PCDH9: variants seen among roughly 807,000 people sequenced by gnomAD.
The protein encoded by PCDH9 is protocadherin 9, also known as protocadherin-9.
PCDH9 carries 24 observed loss-of-function variants against 70.6 expected under a neutral mutation model. The ratio of observed to expected loss-of-function variants is 0.34; its 90% CI spans 0.25 to 0.48. PCDH9 has a LOEUF of 0.48. PCDH9 is among the 20% of genes least tolerant of loss of function. PCDH9 has a pLI of 0.99. For synonymous variants in PCDH9, 562 were observed against 558.5 expected (o/e 1.01, Z -0.09); for missense variants, 1,281 against 1,503.6 (o/e 0.85, Z 2.45).
intron 3 of PCDH9, among the ~76,000 whole-genome samples, chr13:66,661,488 C>CTTA (rs1333445375): frequency 6.6e-6 from 1 of 152,168 alleles, no homozygotes; most frequent in Non-Finnish European, 1.5e-5. Flanking sequence ...GGATCATTTA[C>CTTA]TAATTAAAAT....
rs527497439 is a variant in PCDH9 at position 66,954,985 on chromosome 13, G to A, written c.3037-51380C>T. Among the ~76,000 whole-genome samples, 216 of 152,132 alleles carry A rather than the reference G, an allele frequency of 1.4e-3. 2 individuals are homozygous for A. The highest frequency in any genetic ancestry group is 6.6e-4 in the Non-Finnish European group (45 of 67,992). On this transcript the variant is annotated intron_variant, in intron 2 of 4. Coordinates refer to ENST00000377865, the MANE Select transcript of PCDH9 (RefSeq NM_203487.3). ...TCACTGTGTTAGCCAGGATGGTCTC[G>A]ATCTCCTGACCTCGTGATCTGCCCG...
chr13:66,647,310 G>C (rs2077784883), intron 3 of PCDH9, among the ~76,000 whole-genome samples: 1 of 152,112 alleles, frequency 6.6e-6, no homozygotes, highest in South Asian at 2.1e-4. Flanking sequence ...GAGGTGAGGA[G>C]AGGGAAGAGT....
At chr13:67,060,803 A>C (rs1489022188) in intron 2 of PCDH9, among the ~76,000 whole-genome samples, 1 of 152,074 alleles carries the variant, frequency 6.6e-6, no homozygotes, top group Non-Finnish European at 1.5e-5. Flanking sequence ...TGTGAACTGG[A>C]TATTTCCCTC....
intron 4 of PCDH9, among the ~76,000 whole-genome samples, chr13:66,608,202 AACTC>A (rs1445321998): frequency 6.6e-6 from 1 of 151,820 alleles, no homozygotes; most frequent in African/African-American, 2.4e-5. Context: ...AGTTCAGTAA[AACTC>A]TAAGTTACAG....
In PCDH9 at chr13:67,127,674, A is replaced by ATG. The variant is rs772540157; in HGVS notation, c.3036+97730_3036+97731insCA. Among the ~76,000 whole-genome samples, 357 of 59,226 alleles carry ATG rather than the reference A, an allele frequency of 6.0e-3. 1 individual carries two copies. Among genetic ancestry groups the ATG allele is most frequent in the South Asian group, 0.049 (61 of 1,250 alleles). The allele number at this position is 59,226 out of a possible 152,430, so 38.9% of individuals were successfully genotyped here. ...CAAGACTTTTTTATCATATATATAT[A>ATG]TATGTGTGTGTGTGTGTGTGTGTGT... On this transcript the variant is annotated intron_variant, in intron 2 of 4. Transcript: ENST00000377865.
intron 3 of PCDH9, among the ~76,000 whole-genome samples, chr13:66,694,434 T>C (rs932642250): frequency 6.6e-6 from 1 of 152,192 alleles, no homozygotes; most frequent in African/African-American, 2.4e-5. Context: ...TTTTGGCTTA[T>C]ACTGATTGCA....
At chr13:66,879,652 A>G (rs1341506289) in intron 3 of PCDH9, among the ~76,000 whole-genome samples, 2 of 152,224 alleles carry the variant, frequency 1.3e-5, no homozygotes, top group Non-Finnish European at 2.9e-5. Flanking sequence ...CACCTTGTTC[A>G]TGTTAAAAAT....
chr13:66,472,362 G>A (rs1958636844), intron 4 of PCDH9, among the ~76,000 whole-genome samples: 1 of 141,082 alleles, frequency 7.1e-6, no homozygotes. Context: ...TTGAGCAGAG[G>A]AGTTTGAGAC....
intron 2 of PCDH9, among the ~76,000 whole-genome samples, chr13:67,181,559 T>C (rs2987322): frequency 0.086 from 13,041 of 152,268 alleles, 751 homozygotes; most frequent in African/African-American, 0.15. Flanking sequence ...AATAATGCTT[T>C]GTAGGTACAG....
At chr13:66,794,518 C>T (rs981925350) in intron 3 of PCDH9, among the ~76,000 whole-genome samples, 1 of 152,142 alleles carries the variant, frequency 6.6e-6, no homozygotes, top group Non-Finnish European at 1.5e-5. Flanking sequence ...GAGACGCAGC[C>T]TGCACATTTA....
At chr13:66,489,148 AT>A (rs1434199256) in intron 4 of PCDH9, among the ~76,000 whole-genome samples, 2 of 152,064 alleles carry the variant, frequency 1.3e-5, no homozygotes, top group South Asian at 2.1e-4. Flanking sequence ...CTTTAACTTT[AT>A]TTTTTTGATG....
chr13:66,821,976 T>C (rs1452204152), intron 3 of PCDH9, among the ~76,000 whole-genome samples: 1 of 152,160 alleles, frequency 6.6e-6, no homozygotes, highest in East Asian at 1.9e-4. Context: ...TTTTGTAAAA[T>C]GTTGAGAGCT....
intron 3 of PCDH9, among the ~76,000 whole-genome samples, chr13:66,726,969 T>C (rs2079013616): frequency 1.3e-5 from 2 of 152,156 alleles, no homozygotes; most frequent in Non-Finnish European, 2.9e-5. Flanking sequence ...TTAAAAAATC[T>C]AAAACTGGAG....
intron 2 of PCDH9, among the ~76,000 whole-genome samples, chr13:67,006,012 G>A (rs548122626): frequency 1.3e-5 from 2 of 152,278 alleles, no homozygotes; most frequent in Admixed American, 1.3e-4. Flanking sequence ...AGATCACGAG[G>A]TCAGGAGACT....
At chr13:66,914,671 T>G (rs1051399735) in intron 2 of PCDH9, among the ~76,000 whole-genome samples, 3 of 151,904 alleles carry the variant, frequency 2.0e-5, no homozygotes, top group African/African-American at 7.2e-5. Context: ...TTTATGAAGA[T>G]TCTCTCAAAT....
intron 4 of PCDH9, among the ~76,000 whole-genome samples, chr13:66,605,161 A>G (rs1294427853): frequency 6.6e-6 from 1 of 152,110 alleles, no homozygotes. Flanking sequence ...ACAGGTATAT[A>G]TGAACTGAAG....
chr13:66,536,664 A>C (rs1417748844), intron 4 of PCDH9, among the ~76,000 whole-genome samples: 1 of 152,158 alleles, frequency 6.6e-6, no homozygotes, highest in Non-Finnish European at 1.5e-5. Flanking sequence ...AAATTTTCAA[A>C]TGAATAGATA....
chr13:66,457,987 C>A (rs1327415628), intron 4 of PCDH9, among the ~76,000 whole-genome samples: 1 of 151,962 alleles, frequency 6.6e-6, no homozygotes, highest in East Asian at 1.9e-4. Context: ...ATTTATACTG[C>A]TATCAATCCT....
chr13:66,869,462 C>T (rs981493432), intron 3 of PCDH9, among the ~76,000 whole-genome samples: 34 of 151,998 alleles, frequency 2.2e-4, no homozygotes, highest in African/African-American at 8.0e-4. Context: ...AGGTTTTACA[C>T]CAGAAGCAAA....
Sources: gnomAD v4.1 joint callset for allele counts (sites outside exome capture counted in the v4.1 genomes callset) on GRCh38, gnomAD v4.1.1 for gene constraint, MANE v1.5 for transcripts, NCBI Gene and HGNC (gene_info 2026-07-23, HGNC 2026-07-21) for gene names.